Variants in HIVEP3 observed in about 807,000 individuals in gnomAD.
The protein encoded by HIVEP3 is HIVEP zinc finger 3, also known as transcription factor HIVEP3.
HIVEP3 carries 49 observed loss-of-function variants against 152.8 expected under a neutral mutation model. The ratio of observed to expected loss-of-function variants is 0.32; its 90% CI spans 0.26 to 0.41. HIVEP3 has a LOEUF of 0.41. HIVEP3 is among the 10% of genes least tolerant of loss of function. HIVEP3 has a pLI of 1.00. For synonymous variants in HIVEP3, 1,269 were observed against 1,289.0 expected (o/e 0.98, Z 0.33); for missense variants, 2,790 against 3,103.3 (o/e 0.90, Z 2.40).
intron 1 of HIVEP3, among the ~76,000 whole-genome samples, chr1:41,996,212 T>C (rs1645394863): frequency 6.6e-6 from 1 of 151,166 alleles, no homozygotes; most frequent in Non-Finnish European, 1.5e-5. Context: ...GGCCAACATA[T>C]CAAGACGTTA....
At chr1:41,890,524 T>C (rs1644429785) in intron 1 of HIVEP3, among the ~76,000 whole-genome samples, 1 of 152,200 alleles carries the variant, frequency 6.6e-6, no homozygotes, top group South Asian at 2.1e-4. Context: ...CTGGGATTAT[T>C]GTGTGATGCT....
rs370926660 is a variant in HIVEP3, at chr1:41,582,695, G to A, written c.2103C>T (p.Tyr701=). 2.1e-5 allele frequency: 34 copies of A among 1,614,150 alleles called. No individual in the cohort carries two copies. In the African/African-American group the frequency reaches 4.0e-4, roughly 19 times the overall value. The part of the protein sequence containing the change: ...EHEPWSQMMH[Y]KLGTTLELTP... The stretch of plus-strand genomic sequence containing the variant: ...TGAGTTCCAGGGTGGTTCCCAGTTT[G>A]TAATGCATCATTTGGGACCACGGCT... The change falls in exon 4 of 9, where the codon TAC becomes TAT. Residue 701 remains tyrosine (Y), a synonymous_variant. Transcript: ENST00000372583. This position sits in a 1 kb window ranked among gnomAD's most constrained non-coding sequence, Gnocchi z 4.7.
intron 1 of HIVEP3, among the ~76,000 whole-genome samples, chr1:41,772,266 C>G (rs1309609833): frequency 6.6e-6 from 1 of 152,222 alleles, no homozygotes; most frequent in Non-Finnish European, 1.5e-5. Context: ...ATCTTCTAAT[C>G]ATGTGGAATC....
intron 1 of HIVEP3, among the ~76,000 whole-genome samples, chr1:41,770,984 G>A (rs1295216377): frequency 6.6e-5 from 10 of 151,870 alleles, no homozygotes; most frequent in African/African-American, 2.2e-4. Context: ...GGAGAAAATT[G>A]TCTGTTGGGT....
chr1:41,592,229 C>T (rs768630667), intron 3 of HIVEP3, among the ~76,000 whole-genome samples: 5 of 152,152 alleles, frequency 3.3e-5, no homozygotes, highest in South Asian at 2.1e-4. Flanking sequence ...GCCATGGGTC[C>T]GGTAACCTGT....
At chr1:41,925,993 C>A (rs571556658) in intron 1 of HIVEP3, among the ~76,000 whole-genome samples, 21 of 152,054 alleles carry the variant, frequency 1.4e-4, no homozygotes, top group Non-Finnish European at 2.5e-4. Flanking sequence ...TCATGCTTCC[C>A]TTCCTTTTTC....
intron 1 of HIVEP3, among the ~76,000 whole-genome samples, chr1:41,971,432 C>T (rs1399299777): frequency 6.6e-6 from 1 of 152,192 alleles, no homozygotes; most frequent in African/African-American, 2.4e-5. Context: ...AATCCCCTCA[C>T]ACCTGCCTTG....
intron 1 of HIVEP3, among the ~76,000 whole-genome samples, chr1:41,929,954 G>A (rs1301249484): frequency 6.6e-6 from 1 of 151,798 alleles, no homozygotes; most frequent in East Asian, 1.9e-4. Flanking sequence ...CCCTGTGAAG[G>A]ACAAATTTAT....
At chr1:41,910,386 C>T (rs1239592161) in intron 1 of HIVEP3, among the ~76,000 whole-genome samples, 1 of 151,862 alleles carries the variant, frequency 6.6e-6, no homozygotes, top group Non-Finnish European at 1.5e-5. Flanking sequence ...CCTGAATACC[C>T]ATGATCTATT....
At chr1:41,605,367 GCACACGCGCACACACA>G (rs1445536190) in intron 3 of HIVEP3, among the ~76,000 whole-genome samples, 3 of 111,734 alleles carry the variant, frequency 2.7e-5, no homozygotes, top group African/African-American at 1.2e-4. Context: ...ATACACACAC[GCACACGCGCACACACA>G]CACACACACA....
intron 1 of HIVEP3, among the ~76,000 whole-genome samples, chr1:41,789,198 G>C (rs138504024): frequency 2.9e-4 from 44 of 152,334 alleles, no homozygotes; most frequent in African/African-American, 1.1e-3. Flanking sequence ...ACCTCAGATG[G>C]AGCCAAAGTG....
chr1:41,695,084 G>A (rs151316015), intron 2 of HIVEP3, among the ~76,000 whole-genome samples: 3 of 152,306 alleles, frequency 2.0e-5, no homozygotes, highest in East Asian at 3.9e-4. Flanking sequence ...GTATGATGCC[G>A]CTTCTATAAA....
intron 1 of HIVEP3, among the ~76,000 whole-genome samples, chr1:42,015,406 T>C (rs1645516312): frequency 6.6e-6 from 1 of 152,198 alleles, no homozygotes; most frequent in Non-Finnish European, 1.5e-5. Flanking sequence ...GGGCATGGGT[T>C]TCCTCTGCTC....
chr1:41,661,200 T>A (rs1029181164), intron 2 of HIVEP3, among the ~76,000 whole-genome samples: 1 of 152,216 alleles, frequency 6.6e-6, no homozygotes, highest in Non-Finnish European at 1.5e-5. Flanking sequence ...CACTAAGGGA[T>A]AGACCCATAA....
At chr1:41,540,119 T>C (rs1020203048) in intron 5 of HIVEP3, among the ~76,000 whole-genome samples, 7 of 152,202 alleles carry the variant, frequency 4.6e-5, no homozygotes, top group African/African-American at 1.2e-4. Context: ...AAGCCCCCCA[T>C]TGGGGCTGTG....
chr1:41,961,925 TTAATCAGGTGCCTTTG>T (rs1399857357), intron 1 of HIVEP3, among the ~76,000 whole-genome samples: 68 of 152,382 alleles, frequency 4.5e-4, no homozygotes, highest in African/African-American at 1.6e-3. Flanking sequence ...CAGGTTTTCC[TTAATCAGGTGCCTTTG>T]GCACCTCAAA....
At chr1:41,528,276 T>C (rs1569755757) in intron 5 of HIVEP3, among the ~76,000 whole-genome samples, 3 of 36,954 alleles carry the variant, frequency 8.1e-5, no homozygotes, top group African/African-American at 3.4e-4. Context: ...TCACACACCC[T>C]CACATACACC....
chr1:41,993,386 A>C (rs1286695846), intron 1 of HIVEP3, among the ~76,000 whole-genome samples: 1 of 150,366 alleles, frequency 6.7e-6, no homozygotes, highest in Non-Finnish European at 1.5e-5. Flanking sequence ...GCAGCCAAAA[A>C]ACACATGAAA....
At chr1:41,807,093 G>A (rs1650673861) in intron 1 of HIVEP3, among the ~76,000 whole-genome samples, 1 of 152,132 alleles carries the variant, frequency 6.6e-6, no homozygotes, top group South Asian at 2.1e-4. Flanking sequence ...ATGTGGGAGG[G>A]ATATCGCTCA....
Sources: allele counts gnomAD v4.1 joint callset (sites outside exome capture counted in the v4.1 genomes callset), GRCh38; gene constraint gnomAD v4.1.1; non-coding constraint Gnocchi (gnomAD v3.1); transcripts MANE v1.5; gene names NCBI Gene and HGNC (gene_info 2026-07-23, HGNC 2026-07-21).